GABRA2: variants seen among roughly 807,000 people sequenced by gnomAD.
GABRA2 encodes gamma-aminobutyric acid type A receptor subunit alpha2, also known as gamma-aminobutyric acid receptor subunit alpha-2.
In GABRA2, 16 loss-of-function variants were observed where a neutral mutation model predicts 48.7. The observed-to-expected ratio is 0.33, with a 90% CI of 0.22 to 0.50. GABRA2 has a LOEUF of 0.50. GABRA2 is among the 20% of genes least tolerant of loss of function. GABRA2 has a pLI of 0.98. For synonymous variants in GABRA2, 185 were observed against 184.5 expected, an observed-to-expected ratio of 1.00 and a Z score of -0.02; for missense variants, 275 against 535.6, an observed-to-expected ratio of 0.51 and a Z score of 4.80.
intron 8 of GABRA2, among the ~76,000 whole-genome samples, chr4:46,301,382 C>T (rs970658631): frequency 2.6e-5 from 4 of 152,152 alleles, no homozygotes; most frequent in African/African-American, 9.7e-5. Context: ...GTTCTGACAG[C>T]TTTAGACATG....
chr4:46,353,543 T>G (rs1191248056), intron 3 of GABRA2, among the ~76,000 whole-genome samples: 1 of 152,180 alleles, frequency 6.6e-6, no homozygotes, highest in Non-Finnish European at 1.5e-5. Flanking sequence ...GTTACACATC[T>G]GACTTCATCT....
In GABRA2 at chr4:46,271,160, G is replaced by C. The variant is rs535568261; in HGVS notation, c.857-9032C>G. On this transcript the variant is annotated intron_variant, in intron 8 of 9. Transcript: ENST00000381620. The stretch of plus-strand genomic sequence containing the variant: ...GAAGTCTCAGAAACCAAACAGGCAC[G>C]AAAGACTGCAATAGAACACATGTAA... Among the ~76,000 whole-genome samples, 3 of 151,958 alleles carry C rather than the reference G, an allele frequency of 2.0e-5. No individual in the cohort carries two copies. The Admixed American group carries it at 2.0e-4, about 10-fold the overall frequency.
chr4:46,342,179 T>C (rs1733355369), intron 3 of GABRA2, among the ~76,000 whole-genome samples: 1 of 152,042 alleles, frequency 6.6e-6, no homozygotes, highest in African/African-American at 2.4e-5. Flanking sequence ...GACACAAAGC[T>C]CAATGCGTTT....
chr4:46,294,814 G>T (rs986901494), intron 8 of GABRA2, among the ~76,000 whole-genome samples: 22 of 152,176 alleles, frequency 1.4e-4, no homozygotes, highest in Admixed American at 1.1e-3. Context: ...TCGACTATGG[G>T]TCATCAATTC....
chr4:46,374,547 A>G (rs1311088515), intron 3 of GABRA2, among the ~76,000 whole-genome samples: 1 of 152,138 alleles, frequency 6.6e-6, no homozygotes, highest in Non-Finnish European at 1.5e-5. Context: ...CTGGAGATAT[A>G]ACTCTACTCC....
At chr4:46,299,162 G>A (rs1321725057) in intron 8 of GABRA2, among the ~76,000 whole-genome samples, 1 of 151,580 alleles carries the variant, frequency 6.6e-6, no homozygotes, top group East Asian at 1.9e-4. Flanking sequence ...AAGGAAACAT[G>A]AATGACATTG....
At chr4:46,380,386 A>C (rs1019592232) in intron 3 of GABRA2, among the ~76,000 whole-genome samples, 1 of 152,166 alleles carries the variant, frequency 6.6e-6, no homozygotes, top group African/African-American at 2.4e-5. Flanking sequence ...TGTATGCCCC[A>C]AGTTTATCAT....
At chr4:46,388,561 T>C in intron 2 of GABRA2, 75 bp downstream of exon 2, 1 of 1,544,738 alleles carries the variant, frequency 6.5e-7, no homozygotes, top group Non-Finnish European at 8.9e-7. Flanking sequence ...CCCTTGATTT[T>C]CAAAAGCATT....
At chr4:46,369,223 C>T (rs996456757) in intron 3 of GABRA2, among the ~76,000 whole-genome samples, 11 of 152,104 alleles carry the variant, frequency 7.2e-5, no homozygotes, top group Admixed American at 2.6e-4. Flanking sequence ...GAGGGCACAC[C>T]CCTGTAATCA....
At chr4:46,264,991 A>G (rs953768749) in intron 8 of GABRA2, among the ~76,000 whole-genome samples, 1 of 120,606 alleles carries the variant, frequency 8.3e-6, no homozygotes, top group Admixed American at 7.6e-5. Context: ...TTATACATAT[A>G]TATATATATA....
intron 3 of GABRA2, among the ~76,000 whole-genome samples, chr4:46,344,286 G>A (rs1733783223): frequency 6.6e-6 from 1 of 151,938 alleles, no homozygotes; most frequent in African/African-American, 2.4e-5. Flanking sequence ...TTCCTAGGAA[G>A]GAAAGAGTGA....
intron 3 of GABRA2, among the ~76,000 whole-genome samples, chr4:46,337,511 A>G (rs1333567223): frequency 6.6e-6 from 1 of 152,026 alleles, no homozygotes. Context: ...AGATTCACTG[A>G]AAGACTTTGG....
At chr4:46,369,100 G>T (rs1375344670) in intron 3 of GABRA2, 1 of 662,682 alleles carries the variant, frequency 1.5e-6, no homozygotes, top group Non-Finnish European at 2.8e-6. Context: ...TGGGAAATAG[G>T]GTAGGGCTAG....
At chr4:46,377,598 G>A (rs949076578) in intron 3 of GABRA2, among the ~76,000 whole-genome samples, 11 of 151,170 alleles carry the variant, frequency 7.3e-5, no homozygotes, top group Admixed American at 7.2e-4. Context: ...CGTCCGGCAG[G>A]GAGGTGGGGG....
In GABRA2 at chr4:46,250,196, T is replaced by C; in HGVS notation, c.*112A>G. 1.1e-6 allele frequency: 1 copy of C among 878,600 alleles called. No individual in the cohort carries two copies. Among genetic ancestry groups the C allele is most frequent in the Non-Finnish European group, 1.8e-6 (1 of 559,816 alleles). The allele number at this position is 878,600 out of a possible 1,614,324, so 54.4% of individuals were successfully genotyped here. A position where few individuals can be genotyped will look rare whatever the true frequency, so the allele number is the denominator to read the frequency against. On this transcript the variant is annotated 3_prime_UTR_variant, in exon 10 of 10. Coordinates refer to ENST00000381620, the MANE Select transcript of GABRA2 (RefSeq NM_000807.4). ...TCTACTGGTAAGCTATGTCACTATA[T>C]ACATACTGTACATGTTGGATCACAA...
At chr4:46,389,591 G>T (rs1192214237) in intron 1 of GABRA2, 144 bp downstream of exon 1, 10 of 462,126 alleles carry the variant, frequency 2.2e-5, no homozygotes, top group Non-Finnish European at 2.6e-5. Context: ...TTTTAAGTGC[G>T]CTGGGGAGGA....
In GABRA2 at chr4:46,301,769, A is replaced by T. The variant is rs575319228; in HGVS notation, c.856+1691T>A. On this transcript the variant is annotated intron_variant, in intron 8 of 9. Coordinates refer to ENST00000381620, the MANE Select transcript of GABRA2 (RefSeq NM_000807.4). ...CTTTACCTTATTACCCTTCCTGGTT[A>T]TATGGTGCCATCCCCTATACCAAGT... Among the ~76,000 whole-genome samples, 6 of 152,302 alleles carry T rather than the reference A, an allele frequency of 3.9e-5. 1 individual carries two copies. Among genetic ancestry groups the T allele is most frequent in the African/African-American group, 1.4e-4 (6 of 41,562 alleles).
chr4:46,341,350 A>C (rs2109855411), intron 3 of GABRA2, among the ~76,000 whole-genome samples: 1 of 152,096 alleles, frequency 6.6e-6, no homozygotes, highest in South Asian at 2.1e-4. Flanking sequence ...TGATAACTCT[A>C]AAGATAAAGA....
chr4:46,337,051 G>A (rs936745830), intron 3 of GABRA2, among the ~76,000 whole-genome samples: 17 of 152,160 alleles, frequency 1.1e-4, no homozygotes, highest in African/African-American at 4.1e-4. Context: ...GTTCAATTAT[G>A]ATTTATTTTA....
Sources: gnomAD v4.1 joint callset for allele counts (sites outside exome capture counted in the v4.1 genomes callset) on GRCh38, gnomAD v4.1.1 for gene constraint, MANE v1.5 for transcripts, NCBI Gene and HGNC (gene_info 2026-07-23, HGNC 2026-07-21) for gene names.